Variants in CDH12 observed in about 807,000 individuals in gnomAD.
The protein encoded by CDH12 is cadherin-12.
CDH12 carries 41 observed loss-of-function variants against 74.1 expected under a neutral mutation model. The observed-to-expected ratio is 0.55, with a 90% CI of 0.43 to 0.72. The LOEUF (loss-of-function observed/expected upper bound fraction) is 0.72, where lower values mean the gene tolerates loss of function less well. Ranked by LOEUF, CDH12 falls within the 30% of genes least tolerant of loss-of-function variation. CDH12 has a pLI of 0.00. For synonymous variants in CDH12, 399 were observed against 355.0 expected, an observed-to-expected ratio of 1.12 and a Z score of -1.39; for missense variants, 945 against 977.2, an observed-to-expected ratio of 0.97 and a Z score of 0.44.
At chr5:22,743,853 A>T (rs552064798) in intron 1 of CDH12, among the ~76,000 whole-genome samples, 74 of 152,062 alleles carry the variant, frequency 4.9e-4, no homozygotes, top group Middle Eastern at 3.4e-3. Context: ...GTTCTTACTT[A>T]TCAGTCTCTG....
At chr5:22,035,898 C>T (rs1050386920) in intron 5 of CDH12, among the ~76,000 whole-genome samples, 3 of 152,128 alleles carry the variant, frequency 2.0e-5, no homozygotes, top group South Asian at 2.1e-4. Context: ...ATGCCAGCTG[C>T]TAGAATTCAT....
intron 6 of CDH12, among the ~76,000 whole-genome samples, chr5:21,950,441 CAG>C (rs1400819056): frequency 1.3e-5 from 2 of 151,818 alleles, no homozygotes; most frequent in Admixed American, 6.6e-5. Flanking sequence ...CAGAAACAAA[CAG>C]AAACAAATAA....
At chr5:22,777,492 T>C (rs2126334158) in intron 1 of CDH12, among the ~76,000 whole-genome samples, 1 of 152,166 alleles carries the variant, frequency 6.6e-6, no homozygotes, top group South Asian at 2.1e-4. Flanking sequence ...TATTATGGGA[T>C]AGATGTGTAC....
At chr5:22,283,239 T>TAC (rs1736985408) in intron 3 of CDH12, among the ~76,000 whole-genome samples, 2 of 107,976 alleles carry the variant, frequency 1.9e-5, no homozygotes, top group Admixed American at 9.5e-5. Context: ...TATATATATA[T>TAC]ATATATATAT....
intron 4 of CDH12, among the ~76,000 whole-genome samples, chr5:22,150,107 C>T (rs1369528043): frequency 2.0e-5 from 3 of 151,952 alleles, no homozygotes; most frequent in Admixed American, 2.0e-4. Context: ...GATTTAAAAC[C>T]TTGGAAATAG....
At chr5:21,811,409 C>A (rs1747736007) in intron 9 of CDH12, among the ~76,000 whole-genome samples, 1 of 151,854 alleles carries the variant, frequency 6.6e-6, no homozygotes, top group Admixed American at 6.6e-5. Context: ...GCTTCTATAA[C>A]CATATTTAGA....
intron 1 of CDH12, among the ~76,000 whole-genome samples, chr5:22,803,306 A>T (rs1057237132): frequency 4.6e-5 from 7 of 152,212 alleles, no homozygotes; most frequent in African/African-American, 1.7e-4. Context: ...TACTACTATA[A>T]TTAAAAATAT....
At chr5:22,037,750 G>A (rs1478662156) in intron 5 of CDH12, among the ~76,000 whole-genome samples, 1 of 152,098 alleles carries the variant, frequency 6.6e-6, no homozygotes, top group Non-Finnish European at 1.5e-5. Context: ...CTGACCCAAA[G>A]ACACCCCAAA....
At chr5:22,561,740 C>A (rs1248574515) in intron 1 of CDH12, among the ~76,000 whole-genome samples, 1 of 152,130 alleles carries the variant, frequency 6.6e-6, no homozygotes, top group African/African-American at 2.4e-5. Flanking sequence ...AATGTAGGAT[C>A]TCTAAATTGC....
At chr5:22,155,523 A>G (rs1747971131) in intron 4 of CDH12, among the ~76,000 whole-genome samples, 2 of 152,192 alleles carry the variant, frequency 1.3e-5, no homozygotes, top group Non-Finnish European at 2.9e-5. Context: ...ATATTAGATA[A>G]AGAAGAACAA....
At chr5:22,636,880 G>A (rs986264107) in intron 1 of CDH12, among the ~76,000 whole-genome samples, 2 of 152,192 alleles carry the variant, frequency 1.3e-5, no homozygotes, top group East Asian at 3.9e-4. Flanking sequence ...GTGGTACTCT[G>A]TGGAACATTG....
chr5:22,671,403 T>C (rs1425663126), intron 1 of CDH12, among the ~76,000 whole-genome samples: 1 of 151,690 alleles, frequency 6.6e-6, no homozygotes, highest in East Asian at 1.9e-4. Context: ...AGATGGAAAA[T>C]ACAGTAGGTC....
chr5:22,507,026 A>T (rs1263837465), intron 1 of CDH12, among the ~76,000 whole-genome samples: 1 of 152,154 alleles, frequency 6.6e-6, no homozygotes, highest in Non-Finnish European at 1.5e-5. Context: ...ACAAGTGGAC[A>T]TGTTTATGAT....
chr5:22,816,195 T>C (rs1259975864), intron 1 of CDH12, among the ~76,000 whole-genome samples: 8 of 152,172 alleles, frequency 5.3e-5, no homozygotes, highest in African/African-American at 1.9e-4. Flanking sequence ...TTTGCTTAAA[T>C]TATAAAACTT....
intron 4 of CDH12, among the ~76,000 whole-genome samples, chr5:22,145,547 A>T (rs1376979518): frequency 6.6e-6 from 1 of 152,092 alleles, no homozygotes; most frequent in Non-Finnish European, 1.5e-5. Flanking sequence ...CTACAATCTT[A>T]ATTGTTAACT....
chr5:22,620,831 T>C (rs1487772903), intron 1 of CDH12, among the ~76,000 whole-genome samples: 1 of 152,178 alleles, frequency 6.6e-6, no homozygotes, highest in African/African-American at 2.4e-5. Flanking sequence ...GAAAACATTA[T>C]AATGGATATT....
intron 1 of CDH12, among the ~76,000 whole-genome samples, chr5:22,766,050 A>T (rs1387853013): frequency 6.6e-6 from 1 of 151,960 alleles, no homozygotes; most frequent in African/African-American, 2.4e-5. Context: ...GGAATTAAGA[A>T]ATTGAAAATG....
chr5:22,305,080 T>G (rs1421714842), intron 3 of CDH12, among the ~76,000 whole-genome samples: 2 of 148,646 alleles, frequency 1.3e-5, no homozygotes, highest in Non-Finnish European at 3.0e-5. Flanking sequence ...AATAATTTTT[T>G]TAAAAGCCTC....
intron 1 of CDH12, among the ~76,000 whole-genome samples, chr5:22,535,143 CTTT>C (rs767048116): frequency 2.9e-5 from 2 of 69,214 alleles, no homozygotes; most frequent in Admixed American, 2.0e-4. Context: ...GGCTAATTTT[CTTT>C]TTTTTTTTTT....
Sources: gnomAD v4.1 joint callset for allele counts (sites outside exome capture counted in the v4.1 genomes callset) on GRCh38, gnomAD v4.1.1 for gene constraint, MANE v1.5 for transcripts, NCBI Gene and HGNC (gene_info 2026-07-23, HGNC 2026-07-21) for gene names.